MYO9B: variants seen among roughly 807,000 people sequenced by gnomAD.
The protein encoded by MYO9B is unconventional myosin-IXb.
In MYO9B, 71 loss-of-function variants were observed where a neutral mutation model predicts 229.5. That is an observed-to-expected ratio of 0.31 (90% CI 0.26 to 0.38). The LOEUF (loss-of-function observed/expected upper bound fraction) is 0.38, where lower values mean the gene tolerates loss of function less well. Among genes scored for constraint, MYO9B ranks in the 10% least tolerant of loss-of-function variants. The pLI is 1.00. For missense variants in MYO9B, 2,255 were observed against 2,920.5 expected (o/e 0.77, Z 5.25); for synonymous variants, 1,185 against 1,235.8 (o/e 0.96, Z 0.86).
In MYO9B at chr19:17,198,295, C is replaced by G; in HGVS notation, c.4225C>G (p.Gln1409Glu). 1 of 1,613,874 alleles carries G rather than the reference C, an allele frequency of 6.2e-7. No individual in the cohort carries two copies. Among genetic ancestry groups the G allele is most frequent in the Non-Finnish European group, 8.5e-7 (1 of 1,179,892 alleles). The part of the protein sequence containing the change: ...LPDAGLSPGS[Q>E]VDSKSTFKRL... ...AGACGCAGGGCTGTCCCCGGGCTCT[C>G]AGGTCGACTCTAAGTAAGTATTGGG... Residue 1409 changes from glutamine to glutamate, a missense_variant, in exon 24 of 40, where the codon CAG becomes GAG. Gln to Glu is a conservative substitution (Grantham distance 29, BLOSUM62 2). Around this residue, in one of 7 missense-constraint regions of MYO9B, gnomAD observed 679 missense variants for 770.2 expected, o/e 0.88. Transcript: ENST00000682292.
At chr19:17,112,305 G>A (rs534582715) in intron 2 of MYO9B, among the ~76,000 whole-genome samples, 2 of 152,304 alleles carry the variant, frequency 1.3e-5, no homozygotes, top group African/African-American at 4.8e-5. Context: ...AGCCGGGGTG[G>A]GAGGAAGCAA....
intron 34 of MYO9B, 162 bp from the exon 35 acceptor site, chr19:17,206,951 T>G (rs1360271124): frequency 7.1e-6 from 9 of 1,271,836 alleles, no homozygotes; most frequent in Non-Finnish European, 1.0e-5. Context: ...GCCGCCCGGG[T>G]CCCTTGAGGT....
At position 17,147,297 on chromosome 19, in the gene MYO9B, C is replaced by T. The variant is rs1208439046; in HGVS notation, c.935+1806C>T. The stretch of plus-strand genomic sequence containing the variant: ...GTGGCTCACACCTATAATCCCAGCA[C>T]TTTGGGAGGCCGAGGTGGGTGGATC... On this transcript the variant is annotated intron_variant, in intron 3 of 39. Transcript: ENST00000682292. 2.6e-5 allele frequency among the ~76,000 whole-genome samples: 4 copies of T among 151,966 alleles called. No homozygotes were observed. In the East Asian group the frequency reaches 7.7e-4, roughly 29 times the overall value.
intron 3 of MYO9B, among the ~76,000 whole-genome samples, chr19:17,152,032 A>C (rs895607105): frequency 6.6e-6 from 1 of 152,116 alleles, no homozygotes; most frequent in African/African-American, 2.4e-5. Context: ...TACTAAAAAT[A>C]CAAAATTAGC....
chr19:17,091,326 G>A (rs8103709), intron 1 of MYO9B, among the ~76,000 whole-genome samples: 89,439 of 152,146 alleles, frequency 0.59, 27,284 homozygotes, highest in African/African-American at 0.74. Flanking sequence ...CATGGGCTCA[G>A]GCAATCCCCC....
chr19:17,177,699 C>T (rs1050472172), intron 14 of MYO9B: 4 of 152,280 alleles, frequency 2.6e-5, no homozygotes, highest in Admixed American at 6.6e-5. Context: ...TTCTGACCTG[C>T]GGTAGCAGAA....
chr19:17,102,588 G>A (rs1187254190), intron 2 of MYO9B, 31 bp downstream of exon 2: 1 of 1,515,044 alleles, frequency 6.6e-7, no homozygotes, highest in East Asian at 2.4e-5. Context: ...GTCTGTGGGA[G>A]GGGGCATTTG....
Position 17,120,688 on chromosome 19 carries a change from A to G in MYO9B, c.840+18131A>G, listed in dbSNP as rs534069498. ...GATAGATAGATAGATATCTAAATGT[A>G]TATCTCCTTTATGCTAATTGGTAAC... On this transcript the variant is annotated intron_variant, in intron 2 of 39. Coordinates refer to ENST00000682292, the MANE Select transcript of MYO9B (RefSeq NM_004145.4). Among the ~76,000 whole-genome samples the G allele has an allele frequency of 5.3e-5, 8 of 151,244 alleles. No homozygotes were observed. In the South Asian group the frequency reaches 1.7e-3, roughly 32 times the overall value.
chr19:17,086,077 A>G (rs1361182814), intron 1 of MYO9B, among the ~76,000 whole-genome samples: 1 of 152,120 alleles, frequency 6.6e-6, no homozygotes, highest in African/African-American at 2.4e-5. Context: ...ACGTGCTTCC[A>G]CCAAGGCCCC....
At chr19:17,165,200 ATTAAAG>A in intron 10 of MYO9B, among the ~76,000 whole-genome samples, 1 of 152,084 alleles carries the variant, frequency 6.6e-6, no homozygotes, top group South Asian at 2.1e-4. Context: ...TAAGTGTATT[ATTAAAG>A]TTAATTTTGA....
At chr19:17,183,900 T>G in intron 16 of MYO9B, 32 bp downstream of exon 16, 2 of 1,544,318 alleles carry the variant, frequency 1.3e-6, no homozygotes, top group Non-Finnish European at 1.7e-6. Flanking sequence ...GCGCGACACG[T>G]TCCAAGATAT....
At chr19:17,166,700 G>T (rs1377777453) in intron 10 of MYO9B, among the ~76,000 whole-genome samples, 1 of 151,950 alleles carries the variant, frequency 6.6e-6, no homozygotes, top group Admixed American at 6.6e-5. Context: ...TCCCCTCTAT[G>T]TGTCCATGTG....
chr19:17,187,887 C>T (rs746005809), intron 18 of MYO9B, 48 bp from the exon 19 acceptor site: 3 of 1,494,816 alleles, frequency 2.0e-6, no homozygotes, highest in South Asian at 2.4e-5. Context: ...ACTTGGGCAT[C>T]CTGTCAGGTC....
intron 2 of MYO9B, among the ~76,000 whole-genome samples, chr19:17,108,772 A>G (rs1230366549): frequency 1.3e-5 from 2 of 152,098 alleles, no homozygotes; most frequent in Admixed American, 6.6e-5. Context: ...GCTGGAGTGC[A>G]GTGGCACGAT....
In MYO9B at chr19:17,154,323, G is replaced by A. The variant is rs1222566036; in HGVS notation, c.1107G>A (p.Leu369=). 1 of 1,611,992 alleles carries A rather than the reference G, an allele frequency of 6.2e-7. No individual in the cohort carries two copies. The highest frequency in any genetic ancestry group is 1.3e-5 in the African/African-American group (1 of 75,024). The change falls in exon 6 of 40, where the codon TTG becomes TTA. Residue 369 remains leucine, a synonymous_variant. Transcript: ENST00000682292. ...ATGCCTTTGTTTTCCAGCATAACTT[G>A]AAGATTGAAGATGGGGAGGACCTGA... ...EDYFYLNQHN[L]KIEDGEDLKH...
chr19:17,135,648 C>T (rs531226774), intron 2 of MYO9B, among the ~76,000 whole-genome samples: 3 of 152,254 alleles, frequency 2.0e-5, no homozygotes, highest in East Asian at 1.9e-4. Context: ...GCATACCAGA[C>T]GCGTGAGGTC....
chr19:17,153,695 CAAA>C (rs60449061), intron 4 of MYO9B, among the ~76,000 whole-genome samples: 2 of 120,642 alleles, frequency 1.7e-5, no homozygotes, highest in Non-Finnish European at 3.6e-5. Flanking sequence ...GACCGTATCT[CAAA>C]AAAAAAAAAA....
At chr19:17,146,250 G>A (rs2072410079) in intron 3 of MYO9B, among the ~76,000 whole-genome samples, 1 of 151,574 alleles carries the variant, frequency 6.6e-6, no homozygotes, top group Admixed American at 6.6e-5. Context: ...TTCATGGGTG[G>A]ATGGATGCAT....
chr19:17,142,810 T>C (rs1398416663), intron 2 of MYO9B, among the ~76,000 whole-genome samples: 3 of 152,190 alleles, frequency 2.0e-5, no homozygotes, highest in Non-Finnish European at 4.4e-5. Flanking sequence ...GTGAAAACCA[T>C]TCTTGGCTCG....
Sources: gnomAD v4.1 joint callset for allele counts (sites outside exome capture counted in the v4.1 genomes callset) on GRCh38, gnomAD v4.1.1 for gene constraint, gnomAD v4.1.1 regional missense constraint, MANE v1.5 for transcripts, NCBI Gene and HGNC (gene_info 2026-07-23, HGNC 2026-07-21) for gene names.